Variants in CAST observed in about 807,000 individuals in gnomAD.
CAST encodes MIR583 host.
Under a neutral mutation model 119.6 loss-of-function variants are expected in CAST, and 76 were observed. The ratio of observed to expected loss-of-function variants is 0.64; its 90% CI spans 0.53 to 0.77. The LOEUF is 0.77. CAST is among the 30% of genes least tolerant of loss of function. The pLI is 0.00. For missense variants in CAST, 953 were observed against 946.5 expected (o/e 1.01, Z -0.09); for synonymous variants, 319 against 331.6 (o/e 0.96, Z 0.41).
At chr5:96,004,682 T>C in the CAST span, among the ~76,000 whole-genome samples, 3 of 152,018 alleles carry the variant, frequency 2.0e-5, no homozygotes, top group Non-Finnish European at 4.4e-5. Flanking sequence ...GATGATTGGG[T>C]TTACTATACA....
chr5:96,346,228 G>C, the CAST span, among the ~76,000 whole-genome samples: 5 of 152,182 alleles, frequency 3.3e-5, no homozygotes, highest in Admixed American at 1.3e-4. Flanking sequence ...TTTCGGGCTT[G>C]AGCTCCTGAG....
At chr5:96,291,508 A>G in the CAST span, among the ~76,000 whole-genome samples, 4 of 152,176 alleles carry the variant, frequency 2.6e-5, no homozygotes, top group Non-Finnish European at 5.9e-5. Flanking sequence ...ACAAATGTCA[A>G]ATGACCAATA....
chr5:96,571,537 T>C lies in CAST; in HGVS notation c.60+41657T>C, dbSNP rs141255428. On this transcript the variant is annotated intron_variant, in intron 1 of 11. Coordinates refer to the CAST transcript ENST00000505143. ...AGGTCCATTCCTCTAAAGATGATCA[T>C]AGTTACACAGTTAACTGAACCGACC... Among the ~76,000 whole-genome samples the C allele has an allele frequency of 2.4e-4, 36 of 152,344 alleles. No homozygotes were observed. The East Asian group carries it at 6.5e-3, about 28-fold the overall frequency.
chr5:96,267,506 A>G, the CAST span, among the ~76,000 whole-genome samples: 1 of 152,228 alleles, frequency 6.6e-6, no homozygotes, highest in Non-Finnish European at 1.5e-5. Context: ...ACAGGCAAAG[A>G]TGGAGTGAGA....
chr5:96,326,572 C>T, the CAST span, among the ~76,000 whole-genome samples: 1 of 152,202 alleles, frequency 6.6e-6, no homozygotes, highest in Admixed American at 6.5e-5. Flanking sequence ...CTTCACTGGG[C>T]CCCCTCTTTA....
chr5:96,389,496 A>G, the CAST span, among the ~76,000 whole-genome samples: 1 of 152,184 alleles, frequency 6.6e-6, no homozygotes, highest in African/African-American at 2.4e-5. Context: ...TTACTGAATG[A>G]TTATGACTTA....
chr5:96,340,057 G>A, the CAST span, among the ~76,000 whole-genome samples: 4 of 152,136 alleles, frequency 2.6e-5, no homozygotes, highest in Non-Finnish European at 4.4e-5. Flanking sequence ...TATGGTAATC[G>A]GACAGGAAAC....
chr5:96,689,227 T>C (rs1220975329), intron 2 of CAST, among the ~76,000 whole-genome samples: 3 of 152,206 alleles, frequency 2.0e-5, no homozygotes, highest in Non-Finnish European at 4.4e-5. Context: ...TAAAGAGGTT[T>C]ATATGCACAC....
At chr5:96,595,027 A>G (rs150552701) in intron 1 of CAST, among the ~76,000 whole-genome samples, 1,840 of 152,316 alleles carry the variant, frequency 0.012, 21 homozygotes, top group Middle Eastern at 0.068. Flanking sequence ...TCCCCGGTCA[A>G]TTGGCCCTGG....
chr5:95,999,884 T>C, the CAST span, among the ~76,000 whole-genome samples: 1 of 152,154 alleles, frequency 6.6e-6, no homozygotes, highest in South Asian at 2.1e-4. Flanking sequence ...CATATAAGAG[T>C]CCCCATTTCT....
chr5:96,337,546 C>A, the CAST span, among the ~76,000 whole-genome samples: 1 of 152,154 alleles, frequency 6.6e-6, no homozygotes, highest in South Asian at 2.1e-4. Flanking sequence ...AGCTAGGAAA[C>A]AAGACGTCTG....
At chr5:96,432,039 ACAGG>A in the CAST span, 1 of 1,382,744 alleles carries the variant, frequency 7.2e-7, no homozygotes, top group Non-Finnish European at 9.9e-7. Flanking sequence ...CTTCACTTGG[ACAGG>A]CAACAATAAG....
the CAST span, among the ~76,000 whole-genome samples, chr5:96,309,342 G>A: frequency 2.0e-5 from 3 of 152,234 alleles, no homozygotes; most frequent in African/African-American, 7.2e-5. Context: ...TCAGACTGCT[G>A]TGCTGGCAGT....
chr5:96,760,787 A>T (rs2150665940), intron 24 of CAST: 1 of 152,110 alleles, frequency 6.6e-6, no homozygotes, highest in East Asian at 1.9e-4. Flanking sequence ...TAAATATCTT[A>T]AAAAGAATGA....
intron 1 of CAST, among the ~76,000 whole-genome samples, chr5:96,637,692 A>G (rs559320431): frequency 6.6e-6 from 1 of 152,332 alleles, no homozygotes; most frequent in African/African-American, 2.4e-5. Flanking sequence ...TAAAAGCTAA[A>G]TAGCTTATTT....
At chr5:96,473,534 C>T in the CAST span, among the ~76,000 whole-genome samples, 2 of 152,214 alleles carry the variant, frequency 1.3e-5, no homozygotes, top group African/African-American at 4.8e-5. Flanking sequence ...CTCTTGTTCT[C>T]ATGGCCACAG....
At chr5:96,710,620 G>A (rs1463548090) in intron 3 of CAST, among the ~76,000 whole-genome samples, 1 of 152,064 alleles carries the variant, frequency 6.6e-6, no homozygotes, top group Non-Finnish European at 1.5e-5. Context: ...ACATTGCCCA[G>A]TGGCTTGACA....
the CAST span, chr5:95,961,981 A>C: frequency 1.7e-5 from 7 of 421,336 alleles, no homozygotes; most frequent in Non-Finnish European, 2.9e-5. Flanking sequence ...CTCCACTCTC[A>C]CGGGGGCGGG....
At chr5:96,599,057 T>C (rs562728570) in intron 1 of CAST, among the ~76,000 whole-genome samples, 1 of 152,358 alleles carries the variant, frequency 6.6e-6, no homozygotes, top group South Asian at 2.1e-4. Flanking sequence ...CATAATCACA[T>C]GAACCAATTC....
Sources: gnomAD v4.1 joint callset for allele counts (sites outside exome capture counted in the v4.1 genomes callset) on GRCh38, gnomAD v4.1.1 for gene constraint, MANE v1.5 for transcripts, NCBI Gene and HGNC (gene_info 2026-07-23, HGNC 2026-07-21) for gene names.